Variants in RFC3 observed in about 807,000 individuals in gnomAD.
The protein encoded by RFC3 is replication factor C subunit 3.
RFC3 carries 41 observed loss-of-function variants against 45.1 expected under a neutral mutation model. The ratio of observed to expected loss-of-function variants is 0.91; its 90% confidence interval spans 0.71 to 1.18. RFC3 has a LOEUF of 1.18. Among genes scored for constraint, RFC3 ranks in the 50% most tolerant of loss-of-function variants. RFC3 has a pLI of 0.00. For missense variants in RFC3, 423 were observed against 428.1 expected (o/e 0.99, Z 0.10); for synonymous variants, 149 against 144.0 (o/e 1.03, Z -0.25).
intron 8 of RFC3, 50 bp downstream of exon 8, chr13:33,835,267 C>A: frequency 8.3e-7 from 1 of 1,197,644 alleles, no homozygotes; most frequent in Non-Finnish European, 1.2e-6. Context: ...AATTTGGACG[C>A]TGGGTGTGTG....
chr13:33,951,349 A>G (rs1374937234), intron 8 of RFC3, among the ~76,000 whole-genome samples: 1 of 150,632 alleles, frequency 6.6e-6, no homozygotes, highest in Admixed American at 6.7e-5. Context: ...CCCCTGCCTC[A>G]GCCTCCCGAG....
intron 8 of RFC3, among the ~76,000 whole-genome samples, chr13:33,852,638 A>AG (rs2082283725): frequency 6.6e-6 from 1 of 152,188 alleles, no homozygotes; most frequent in East Asian, 1.9e-4. Flanking sequence ...AAGGCCTACA[A>AG]ATGTGGGTCT....
At chr13:33,963,216 G>A (rs1024238881) in intron 8 of RFC3, among the ~76,000 whole-genome samples, 1 of 151,938 alleles carries the variant, frequency 6.6e-6, no homozygotes, top group Non-Finnish European at 1.5e-5. Context: ...CAACAGCTGA[G>A]ATATTTATTT....
intron 8 of RFC3, among the ~76,000 whole-genome samples, chr13:33,886,921 G>A (rs1421106715): frequency 1.3e-5 from 2 of 149,662 alleles, no homozygotes; most frequent in Non-Finnish European, 3.0e-5. Context: ...TACTGAGAAT[G>A]ATGATTTCCA....
At chr13:33,882,764 T>C (rs948327105) in intron 8 of RFC3, among the ~76,000 whole-genome samples, 1 of 152,210 alleles carries the variant, frequency 6.6e-6, no homozygotes, top group Non-Finnish European at 1.5e-5. Flanking sequence ...TAAAACTTCT[T>C]TTATATTCAC....
At chr13:33,956,151 C>G (rs766202943) in intron 8 of RFC3, among the ~76,000 whole-genome samples, 1 of 152,174 alleles carries the variant, frequency 6.6e-6, no homozygotes, top group East Asian at 1.9e-4. Flanking sequence ...CTCTATCTTG[C>G]CTCCTCTTGG....
At chr13:33,915,618 T>C (rs1012700659) in intron 8 of RFC3, among the ~76,000 whole-genome samples, 25 of 152,068 alleles carry the variant, frequency 1.6e-4, no homozygotes, top group Non-Finnish European at 3.5e-4. Context: ...GACCCTAATT[T>C]CCAATGTCAG....
Position 33,836,542 on chromosome 13 carries a change from G to T in RFC3, c.*247G>T, listed in dbSNP as rs955715673. Reference sequence around the variant, plus strand: ...AGAAAATGATCTTAATTTACTTTAAGCATTGGTTATTCAAGTATTCATTGT... The same window carrying T: ...AGAAAATGATCTTAATTTACTTTAATCATTGGTTATTCAAGTATTCATTGT... On this transcript the variant is annotated 3_prime_UTR_variant, in exon 9 of 9. Coordinates refer to ENST00000380071, the MANE Select transcript of RFC3 (RefSeq NM_002915.4). 3.2e-5 allele frequency: 38 copies of T among 1,188,606 alleles called. No individual in the cohort carries two copies. The highest frequency in any genetic ancestry group is 3.8e-5 in the Non-Finnish European group (36 of 954,762). The allele number at this position is 1,188,606 out of a possible 1,614,324, so 73.6% of individuals were successfully genotyped here.
At chr13:33,905,546 A>T (rs1339277733) in intron 8 of RFC3, among the ~76,000 whole-genome samples, 1 of 152,094 alleles carries the variant, frequency 6.6e-6, no homozygotes, top group Non-Finnish European at 1.5e-5. Flanking sequence ...AGTTTATAAC[A>T]ATATCTACAT....
At chr13:33,838,391 C>G (rs2082173695), downstream of RFC3, among the ~76,000 whole-genome samples, 1 of 151,954 alleles carries the variant, frequency 6.6e-6, no homozygotes, top group Non-Finnish European at 1.5e-5. Context: ...GTTTTTGTTT[C>G]TCTGGAATGT....
intron 8 of RFC3, among the ~76,000 whole-genome samples, chr13:33,865,075 G>A (rs908360079): frequency 6.6e-6 from 1 of 152,118 alleles, no homozygotes; most frequent in Non-Finnish European, 1.5e-5. Flanking sequence ...GGACAAAGAT[G>A]CAAAATTAGA....
At chr13:33,944,586 C>G (rs1399262045) in intron 8 of RFC3, among the ~76,000 whole-genome samples, 1 of 152,026 alleles carries the variant, frequency 6.6e-6, no homozygotes, top group Non-Finnish European at 1.5e-5. Context: ...GGATGAAAAT[C>G]TTTCAACACA....
Position 33,836,865 on chromosome 13 carries a change from G to C in RFC3, c.*570G>C. 1.0e-6 allele frequency: 1 copy of C among 983,856 alleles called. No homozygotes were observed. Among genetic ancestry groups the C allele is most frequent in the African/African-American group, 1.7e-5 (1 of 57,284 alleles). 60.9% of individuals were successfully genotyped at this position (983,856 alleles called of 1,614,324 possible). On this transcript the variant is annotated 3_prime_UTR_variant, in exon 9 of 9. Transcript: ENST00000380071. ...CAGTGGTTCAGATTAGTATTAGGTCGGTACTAAGAAATAAGCATGTTTTCA... is the reference window on the plus strand; with the variant it reads ...CAGTGGTTCAGATTAGTATTAGGTCCGTACTAAGAAATAAGCATGTTTTCA...
intron 8 of RFC3, among the ~76,000 whole-genome samples, chr13:33,898,055 G>A (rs1366471989): frequency 6.6e-6 from 1 of 151,892 alleles, no homozygotes; most frequent in East Asian, 1.9e-4. Flanking sequence ...TACAATAGAA[G>A]TAGGGGACTT....
chr13:33,890,861 T>A (rs2082559101), intron 8 of RFC3, among the ~76,000 whole-genome samples: 1 of 152,224 alleles, frequency 6.6e-6, no homozygotes. Context: ...AATCCATTCC[T>A]ATTCCTTTTA....
In RFC3 at chr13:33,957,564, C is replaced by T. The variant is rs976224091; in HGVS notation, c.880-8523C>T. 9.2e-5 allele frequency among the ~76,000 whole-genome samples: 14 copies of T among 152,022 alleles called. 1 individual carries two copies. Among genetic ancestry groups the T allele is most frequent in the Admixed American group, 7.2e-4 (11 of 15,248 alleles). On this transcript the variant is annotated intron_variant, in intron 8 of 8. Coordinates refer to the RFC3 transcript ENST00000434425. ...ATGGGCGACATTTGTTTTGGAGTAA[C>T]CTGGAAGGATGAGGCCCAATTCTGC...
intron 8 of RFC3, among the ~76,000 whole-genome samples, chr13:33,863,976 A>C (rs753606151): frequency 2.0e-5 from 3 of 152,136 alleles, no homozygotes; most frequent in Admixed American, 6.5e-5. Flanking sequence ...TATAAGGAGA[A>C]GAGGTTTATT....
chr13:33,903,703 A>G (rs565501745), intron 8 of RFC3, among the ~76,000 whole-genome samples: 2 of 152,118 alleles, frequency 1.3e-5, no homozygotes, highest in South Asian at 2.1e-4. Flanking sequence ...CAGTTGTATT[A>G]CTTTCCCTGG....
intron 7 of RFC3, among the ~76,000 whole-genome samples, chr13:33,834,147 G>A (rs2082128139): frequency 6.6e-6 from 1 of 150,398 alleles, no homozygotes; most frequent in Non-Finnish European, 1.5e-5. Context: ...CCCCAGAAAT[G>A]CTAGTTCTTT....
Sources: gnomAD v4.1 joint callset for allele counts (sites outside exome capture counted in the v4.1 genomes callset) on GRCh38, gnomAD v4.1.1 for gene constraint, MANE v1.5 for transcripts, NCBI Gene and HGNC (gene_info 2026-07-23, HGNC 2026-07-21) for gene names.